MSRB3: variants seen among roughly 807,000 people sequenced by gnomAD.
The protein encoded by MSRB3 is methionine-R-sulfoxide reductase B3.
In MSRB3, 13 loss-of-function variants were observed where a neutral mutation model predicts 21.0. The ratio of observed to expected loss-of-function variants is 0.62; its 90% CI spans 0.40 to 0.98. The LOEUF (loss-of-function observed/expected upper bound fraction) is 0.98. Ranked by LOEUF, MSRB3 falls within the 50% of genes least tolerant of loss-of-function variation. MSRB3 has a pLI of 0.00. For missense variants in MSRB3, 199 were observed against 230.3 expected, an observed-to-expected ratio of 0.86 and a Z score of 0.88; for synonymous variants, 87 against 88.6, an observed-to-expected ratio of 0.98 and a Z score of 0.10.
At chr12:65,414,287 T>C (rs1387436949) in intron 5 of MSRB3, among the ~76,000 whole-genome samples, 1 of 151,968 alleles carries the variant, frequency 6.6e-6, no homozygotes, top group East Asian at 1.9e-4. Context: ...CTGGGGAGAA[T>C]GGTAGCTCAC....
At chr12:65,290,103 A>G (rs1042674051) in intron 1 of MSRB3, among the ~76,000 whole-genome samples, 3 of 151,344 alleles carry the variant, frequency 2.0e-5, no homozygotes, top group African/African-American at 7.3e-5. Context: ...TTCTCCTATT[A>G]CTTTCAAGCT....
At chr12:65,425,979 C>T (rs1881579441) in intron 5 of MSRB3, among the ~76,000 whole-genome samples, 1 of 152,114 alleles carries the variant, frequency 6.6e-6, no homozygotes, top group Non-Finnish European at 1.5e-5. Context: ...GCCTCAGCCT[C>T]CTGAGTAGCT....
intron 1 of MSRB3, among the ~76,000 whole-genome samples, chr12:65,282,634 T>C (rs1034668595): frequency 1.3e-5 from 2 of 151,890 alleles, no homozygotes; most frequent in African/African-American, 4.8e-5. Context: ...ATCTAGAACA[T>C]TCCCTGTCTC....
intron 5 of MSRB3, among the ~76,000 whole-genome samples, chr12:65,408,474 A>G (rs1880538924): frequency 6.6e-6 from 1 of 152,216 alleles, no homozygotes; most frequent in African/African-American, 2.4e-5. Flanking sequence ...TTTCATGTTT[A>G]TCTGACTAGG....
chr12:65,395,683 T>A (rs1879740662), intron 5 of MSRB3, among the ~76,000 whole-genome samples: 1 of 152,232 alleles, frequency 6.6e-6, no homozygotes, highest in African/African-American at 2.4e-5. Flanking sequence ...ATTCAGTTTC[T>A]TTAATAGATA....
intron 4 of MSRB3, among the ~76,000 whole-genome samples, chr12:65,340,617 T>C (rs1876074964): frequency 6.6e-6 from 1 of 151,946 alleles, no homozygotes; most frequent in Admixed American, 6.6e-5. Context: ...AAATAAAAAA[T>C]GTAGAACTGT....
At chr12:65,392,879 G>A (rs1879560298) in intron 5 of MSRB3, among the ~76,000 whole-genome samples, 3 of 152,022 alleles carry the variant, frequency 2.0e-5, no homozygotes, top group Non-Finnish European at 4.4e-5. Context: ...AGTAAGGCTT[G>A]TTAATTATAT....
chr12:65,426,380 T>C (rs913173704), intron 5 of MSRB3, among the ~76,000 whole-genome samples: 2 of 152,168 alleles, frequency 1.3e-5, no homozygotes, highest in Admixed American at 6.5e-5. Flanking sequence ...CACTCTTTCC[T>C]GGCCTGTAAG....
intron 5 of MSRB3, among the ~76,000 whole-genome samples, chr12:65,446,884 C>T (rs1338584885): frequency 3.3e-5 from 5 of 152,170 alleles, no homozygotes; most frequent in Non-Finnish European, 7.3e-5. Context: ...GACCTGACAA[C>T]GAGGTGCTTA....
intron 4 of MSRB3, among the ~76,000 whole-genome samples, chr12:65,331,259 A>G (rs1016980149): frequency 1.3e-5 from 2 of 152,224 alleles, no homozygotes; most frequent in African/African-American, 4.8e-5. Flanking sequence ...TAAGGTTTAC[A>G]GAATTATGAA....
At chr12:65,422,961 C>CTTTTTTTTT (rs141803317) in intron 5 of MSRB3, among the ~76,000 whole-genome samples, 1 of 124,338 alleles carries the variant, frequency 8.0e-6, no homozygotes, top group Non-Finnish European at 1.6e-5. Flanking sequence ...TTAGGGTTTT[C>CTTTTTTTTT]TTTTTTTTTT....
At chr12:65,455,347 C>T (rs985276991) in intron 6 of MSRB3, among the ~76,000 whole-genome samples, 1 of 151,908 alleles carries the variant, frequency 6.6e-6, no homozygotes, top group Non-Finnish European at 1.5e-5. Context: ...ATCACATTTT[C>T]AGCTCACTCT....
At chr12:65,376,313 G>T (rs897073229) in intron 5 of MSRB3, among the ~76,000 whole-genome samples, 10 of 152,140 alleles carry the variant, frequency 6.6e-5, no homozygotes, top group African/African-American at 2.4e-4. Flanking sequence ...TAGAGACGGG[G>T]TTTCACCGTG....
intron 5 of MSRB3, among the ~76,000 whole-genome samples, chr12:65,382,748 C>G (rs1879005089): frequency 6.6e-6 from 1 of 151,408 alleles, no homozygotes; most frequent in South Asian, 2.1e-4. Flanking sequence ...TTTTTTCTAG[C>G]TATATGGTTT....
chr12:65,375,665 C>CG (rs1422321403), intron 5 of MSRB3, among the ~76,000 whole-genome samples: 2 of 152,118 alleles, frequency 1.3e-5, no homozygotes, highest in South Asian at 4.1e-4. Context: ...TCTCAAACTC[C>CG]TGGCTTCAAG....
At chr12:65,363,700 T>C (rs963786437) in intron 4 of MSRB3, among the ~76,000 whole-genome samples, 9 of 152,006 alleles carry the variant, frequency 5.9e-5, no homozygotes, top group Admixed American at 5.9e-4. Flanking sequence ...AAATAACAGC[T>C]TGGGGCCGGG....
At chr12:65,346,650 A>C (rs1457861771) in intron 4 of MSRB3, among the ~76,000 whole-genome samples, 3 of 152,156 alleles carry the variant, frequency 2.0e-5, no homozygotes, top group African/African-American at 7.2e-5. Flanking sequence ...TTAGACACGA[A>C]GTCCTTGCCC....
chr12:65,287,116 T>C (rs1872407020), intron 1 of MSRB3, among the ~76,000 whole-genome samples: 1 of 149,732 alleles, frequency 6.7e-6, no homozygotes, highest in South Asian at 2.1e-4. Context: ...ATTTTATGTT[T>C]GTTCTTTCAT....
intron 1 of MSRB3, among the ~76,000 whole-genome samples, chr12:65,288,628 T>C (rs1170564583): frequency 6.6e-6 from 1 of 152,160 alleles, no homozygotes; most frequent in Admixed American, 6.5e-5. Context: ...TCTGAAGTAA[T>C]GGTATTAAGG....
Sources: allele counts gnomAD v4.1 joint callset (sites outside exome capture counted in the v4.1 genomes callset), GRCh38; gene constraint gnomAD v4.1.1; transcripts MANE v1.5; gene names NCBI Gene and HGNC (gene_info 2026-07-23, HGNC 2026-07-21).